The following LINGO2 variants were observed in gnomAD, a reference collection of about 807,000 sequenced individuals.
LINGO2 encodes the protein leucine rich repeat and Ig domain containing 2.
A neutral mutation model predicts 30.6 loss-of-function variants in LINGO2; 14 were observed. The observed-to-expected ratio is 0.46, with a 90% CI of 0.30 to 0.72. LINGO2 has a LOEUF of 0.72. Ranked by LOEUF, LINGO2 falls within the 30% of genes least tolerant of loss-of-function variation. LINGO2 has a pLI of 0.07. For synonymous variants in LINGO2, 317 were observed against 288.5 expected, an observed-to-expected ratio of 1.10 and a Z score of -1.00; for missense variants, 729 against 751.7, an observed-to-expected ratio of 0.97 and a Z score of 0.35.
At chr9:28,882,599 C>T in the LINGO2 span, among the ~76,000 whole-genome samples, 129,534 of 152,092 alleles carry the variant, frequency 0.85, 55,337 homozygotes, top group Non-Finnish European at 0.89. Flanking sequence ...AATAGATTAG[C>T]TATGCTCCTC....
intron 4 of LINGO2, among the ~76,000 whole-genome samples, chr9:28,144,473 T>TGTAA (rs1206349401): frequency 6.6e-6 from 1 of 152,238 alleles, no homozygotes; most frequent in East Asian, 1.9e-4. Flanking sequence ...ATTTCTTGAA[T>TGTAA]GTAACTACAT....
intron 3 of LINGO2, among the ~76,000 whole-genome samples, chr9:28,304,182 C>G (rs1457324530): frequency 6.6e-6 from 1 of 150,572 alleles, no homozygotes; most frequent in African/African-American, 2.4e-5. Flanking sequence ...ATATTTATAA[C>G]AAAAAATCCT....
chr9:28,387,779 T>C (rs567205166), intron 2 of LINGO2, among the ~76,000 whole-genome samples: 1 of 152,052 alleles, frequency 6.6e-6, no homozygotes, highest in Non-Finnish European at 1.5e-5. Context: ...CGTACCACCT[T>C]TATGAACTGT....
intron 1 of LINGO2, among the ~76,000 whole-genome samples, chr9:28,503,878 T>A (rs1221505713): frequency 6.6e-6 from 1 of 151,356 alleles, no homozygotes; most frequent in East Asian, 1.9e-4. Context: ...ACAATAAAAA[T>A]AAAAAACCAG....
At chr9:28,912,414 A>G in the LINGO2 span, among the ~76,000 whole-genome samples, 4 of 151,918 alleles carry the variant, frequency 2.6e-5, no homozygotes, top group Admixed American at 2.6e-4. Context: ...ATGCCTGGTA[A>G]GCTGTTCTGT....
the LINGO2 span, among the ~76,000 whole-genome samples, chr9:29,097,443 A>G: frequency 5.8e-5 from 8 of 138,530 alleles, 2 homozygotes; most frequent in South Asian, 1.8e-3. Context: ...TCTACAAGTC[A>G]TTAAAAGTAA....
chr9:28,611,829 AT>A (rs915736967), intron 1 of LINGO2, among the ~76,000 whole-genome samples: 7 of 149,242 alleles, frequency 4.7e-5, no homozygotes, highest in East Asian at 2.0e-4. Context: ...TTATTTATTT[AT>A]TTTTTTTTGA....
At chr9:28,397,809 C>T (rs375124618) in intron 2 of LINGO2, among the ~76,000 whole-genome samples, 3 of 151,956 alleles carry the variant, frequency 2.0e-5, no homozygotes, top group East Asian at 3.9e-4. Flanking sequence ...AGCCTCCCAA[C>T]GTGCTGGGAT....
chr9:28,838,989 G>T, the LINGO2 span, among the ~76,000 whole-genome samples: 1 of 152,210 alleles, frequency 6.6e-6, no homozygotes, highest in Non-Finnish European at 1.5e-5. Flanking sequence ...AGCTGGACCA[G>T]GCATATCGCA....
the LINGO2 span, among the ~76,000 whole-genome samples, chr9:28,714,262 T>C: frequency 9.1e-4 from 138 of 151,184 alleles, no homozygotes; most frequent in African/African-American, 3.0e-3. Context: ...ATTAACATCT[T>C]CTACATCTCA....
At chr9:28,447,456 C>G (rs1226948673) in intron 2 of LINGO2, among the ~76,000 whole-genome samples, 2 of 152,130 alleles carry the variant, frequency 1.3e-5, no homozygotes, top group Non-Finnish European at 2.9e-5. Context: ...CTTGGACTTC[C>G]CAGTTTCTAG....
chr9:28,251,081 A>C (rs1822182620), intron 4 of LINGO2, among the ~76,000 whole-genome samples: 1 of 152,158 alleles, frequency 6.6e-6, no homozygotes, highest in Non-Finnish European at 1.5e-5. Flanking sequence ...ATTTTCCTTA[A>C]TGTAAAATGG....
intron 4 of LINGO2, among the ~76,000 whole-genome samples, chr9:28,144,029 T>C (rs1465814168): frequency 6.6e-6 from 1 of 152,014 alleles, no homozygotes; most frequent in Admixed American, 6.6e-5. Flanking sequence ...AATGGATATA[T>C]TGAATGGTAG....
the LINGO2 span, among the ~76,000 whole-genome samples, chr9:28,837,649 A>AATATATATATATATATATATAT: frequency 3.9e-3 from 299 of 75,706 alleles, 31 homozygotes; most frequent in African/African-American, 4.7e-3. Flanking sequence ...CTCCGTCTAA[A>AATATATATATATATATATATAT]ATATATATAT....
intron 4 of LINGO2, among the ~76,000 whole-genome samples, chr9:28,106,554 C>A (rs906059320): frequency 6.6e-6 from 1 of 152,128 alleles, no homozygotes; most frequent in African/African-American, 2.4e-5. Flanking sequence ...GGCTTTAGAG[C>A]CATATACATA....
the LINGO2 span, among the ~76,000 whole-genome samples, chr9:29,210,346 C>G: frequency 6.6e-6 from 1 of 152,040 alleles, no homozygotes; most frequent in African/African-American, 2.4e-5. Flanking sequence ...AGCAGATCTT[C>G]CTTTGGTTTT....
the LINGO2 span, among the ~76,000 whole-genome samples, chr9:28,987,068 A>C: frequency 7.2e-6 from 1 of 138,316 alleles, no homozygotes; most frequent in East Asian, 2.1e-4. Flanking sequence ...ATAAGTTCTA[A>C]CAGGTTTTTT....
chr9:29,085,468 G>A, the LINGO2 span, among the ~76,000 whole-genome samples: 3 of 151,788 alleles, frequency 2.0e-5, no homozygotes, highest in African/African-American at 7.3e-5. Context: ...ATAATCCTAT[G>A]AAATAGTTAT....
intron 1 of LINGO2, among the ~76,000 whole-genome samples, chr9:28,512,382 G>C (rs1036858260): frequency 9.9e-5 from 15 of 151,612 alleles, no homozygotes; most frequent in Non-Finnish European, 1.2e-4. Context: ...CAACAATGGG[G>C]TACTGCCAAA....
Sources: allele counts gnomAD v4.1 joint callset (sites outside exome capture counted in the v4.1 genomes callset), GRCh38; gene constraint gnomAD v4.1.1; transcripts MANE v1.5; gene names NCBI Gene and HGNC (gene_info 2026-07-23, HGNC 2026-07-21).